Variants in CSMD1 observed in about 807,000 individuals in gnomAD.
CSMD1 encodes CUB and sushi domain-containing protein 1.
Under a neutral mutation model 417.5 loss-of-function variants are expected in CSMD1, and 213 were observed. The observed-to-expected ratio is 0.51, with a 90% CI of 0.46 to 0.57. The LOEUF (loss-of-function observed/expected upper bound fraction) is 0.57, where lower values mean the gene tolerates loss of function less well. Among genes scored for constraint, CSMD1 ranks in the 20% least tolerant of loss-of-function variants. CSMD1 has a pLI of 0.00. For missense variants in CSMD1, 6,923 were observed against 4,529.7 expected (o/e 1.53, Z -15.17); for synonymous variants, 2,862 against 1,736.8 (o/e 1.65, Z -16.11).
chr8:4,801,137 T>G (rs2117282903), intron 1 of CSMD1, among the ~76,000 whole-genome samples: 1 of 152,336 alleles, frequency 6.6e-6, no homozygotes, highest in East Asian at 1.9e-4. Flanking sequence ...TTTACATTTT[T>G]TGTATCTTAC....
chr8:3,040,185 A>C (rs1286959197), intron 50 of CSMD1, among the ~76,000 whole-genome samples: 1 of 152,098 alleles, frequency 6.6e-6, no homozygotes, highest in Non-Finnish European at 1.5e-5. Flanking sequence ...CGAACATCCA[A>C]ACTTTATGTT....
At chr8:4,394,001 CAT>C (rs1010587023) in intron 3 of CSMD1, among the ~76,000 whole-genome samples, 2 of 152,182 alleles carry the variant, frequency 1.3e-5, no homozygotes, top group Admixed American at 6.5e-5. Context: ...TAGAGCAACA[CAT>C]ATATAGCATG....
intron 5 of CSMD1, among the ~76,000 whole-genome samples, chr8:3,925,603 A>T (rs1176390162): frequency 5.3e-5 from 8 of 151,944 alleles, no homozygotes; most frequent in African/African-American, 1.9e-4. Flanking sequence ...TTCCCCTACT[A>T]TTCTCGCAAC....
Position 3,502,700 on chromosome 8 carries a change from G to C in CSMD1, c.1345-8974C>G, listed in dbSNP as rs751171328. 2.0e-5 allele frequency among the ~76,000 whole-genome samples: 3 copies of C among 152,182 alleles called. No individual in the cohort carries two copies. The East Asian group carries it at 5.8e-4, about 29-fold the overall frequency. ...AGTAAAAAGATTAGTGATTGTTAGG[G>C]GTTAGAAGAGGGAGGGATGAAGAGC... is the stretch of plus-strand genomic sequence containing the variant. On this transcript the variant is annotated intron_variant, in intron 10 of 69. Coordinates refer to ENST00000635120, the MANE Select transcript of CSMD1 (RefSeq NM_033225.6).
chr8:4,279,028 G>C (rs899818361), intron 3 of CSMD1, among the ~76,000 whole-genome samples: 1 of 152,038 alleles, frequency 6.6e-6, no homozygotes, highest in Non-Finnish European at 1.5e-5. Context: ...GTTGAGCTAT[G>C]GACACATTAC....
At chr8:3,093,795 G>C (rs530045722) in intron 47 of CSMD1, among the ~76,000 whole-genome samples, 2 of 152,038 alleles carry the variant, frequency 1.3e-5, no homozygotes, top group African/African-American at 4.8e-5. Context: ...TTAAATAATC[G>C]GGCAATGCTG....
At chr8:4,751,845 G>T (rs1312980931) in intron 1 of CSMD1, among the ~76,000 whole-genome samples, 1 of 152,090 alleles carries the variant, frequency 6.6e-6, no homozygotes, top group Non-Finnish European at 1.5e-5. Context: ...TTCTCTGTCC[G>T]AAAATAGTGC....
chr8:3,495,489 A>C (rs1408729940), intron 10 of CSMD1, among the ~76,000 whole-genome samples: 1 of 152,202 alleles, frequency 6.6e-6, no homozygotes, highest in African/African-American at 2.4e-5. Flanking sequence ...GCCAAGGCAA[A>C]GGTAGACAGA....
At chr8:3,151,193 A>G (rs1167418381) in intron 40 of CSMD1, 7 of 487,804 alleles carry the variant, frequency 1.4e-5, no homozygotes, top group Admixed American at 1.1e-4. Context: ...TTTGCCTTGA[A>G]AAGAGTTGCA....
chr8:3,664,732 A>G (rs1441998867), intron 7 of CSMD1, among the ~76,000 whole-genome samples: 2 of 152,206 alleles, frequency 1.3e-5, no homozygotes, highest in East Asian at 3.8e-4. Flanking sequence ...AAAAATATCT[A>G]ATGAAGATGT....
intron 3 of CSMD1, among the ~76,000 whole-genome samples, chr8:4,232,080 G>C (rs1157937826): frequency 6.6e-6 from 1 of 152,166 alleles, no homozygotes; most frequent in Non-Finnish European, 1.5e-5. Context: ...AGTAATTATT[G>C]TAGTACTTGA....
At chr8:3,471,923 C>A (rs988173047) in intron 11 of CSMD1, among the ~76,000 whole-genome samples, 3 of 152,130 alleles carry the variant, frequency 2.0e-5, no homozygotes, top group African/African-American at 7.2e-5. Context: ...GGTTCACATG[C>A]AAAACGAGTC....
chr8:3,980,337 T>A lies in CSMD1; in HGVS notation c.818+17566A>T, dbSNP rs117533318. On this transcript the variant is annotated intron_variant, in intron 5 of 69. Transcript: ENST00000635120. ...TGTAATATGCGTCCGGAAGCAGTTC[T>A]GAGATAATCCTGAATTTCAGCTTTA... Among the ~76,000 whole-genome samples, 1,232 of 152,162 alleles carry A rather than the reference T, an allele frequency of 8.1e-3. 3 individuals are homozygous for A. The highest frequency in any genetic ancestry group is 0.014 in the Middle Eastern group (4 of 294).
At chr8:3,181,854 G>A (rs1044826954) in intron 36 of CSMD1, among the ~76,000 whole-genome samples, 7 of 152,096 alleles carry the variant, frequency 4.6e-5, no homozygotes, top group Non-Finnish European at 2.9e-5. Context: ...CGAGGACCAG[G>A]GTAAGAAAGA....
chr8:3,531,812 G>T (rs1797992543), intron 10 of CSMD1, among the ~76,000 whole-genome samples: 1 of 152,194 alleles, frequency 6.6e-6, no homozygotes. Context: ...CTTACACAGG[G>T]GGATGCCAGC....
chr8:4,573,188 G>A (rs1430691117), intron 2 of CSMD1, among the ~76,000 whole-genome samples: 1 of 152,188 alleles, frequency 6.6e-6, no homozygotes, highest in Non-Finnish European at 1.5e-5. Flanking sequence ...TCCTTTGGAG[G>A]AGAAGAGGCA....
intron 51 of CSMD1, among the ~76,000 whole-genome samples, chr8:3,023,021 T>A (rs1210430825): frequency 6.6e-6 from 1 of 152,202 alleles, no homozygotes; most frequent in Non-Finnish European, 1.5e-5. Flanking sequence ...GTGAGAATAT[T>A]ATCAAGAAAA....
At chr8:4,033,547 G>A (rs934894094) in intron 3 of CSMD1, among the ~76,000 whole-genome samples, 27 of 152,286 alleles carry the variant, frequency 1.8e-4, no homozygotes, top group African/African-American at 6.3e-4. Context: ...ATGTATATCT[G>A]AAGTGTATTG....
chr8:4,238,964 C>T (rs1563320616), intron 3 of CSMD1, among the ~76,000 whole-genome samples: 1 of 152,168 alleles, frequency 6.6e-6, no homozygotes, highest in African/African-American at 2.4e-5. Context: ...AGAGAGTAGA[C>T]AGCCCAGAGT....
Sources: gnomAD v4.1 joint callset for allele counts (sites outside exome capture counted in the v4.1 genomes callset) on GRCh38, gnomAD v4.1.1 for gene constraint, MANE v1.5 for transcripts, NCBI Gene and HGNC (gene_info 2026-07-23, HGNC 2026-07-21) for gene names.